TFDP1: variants seen among roughly 807,000 people sequenced by gnomAD.
The protein encoded by TFDP1 is transcription factor Dp-1.
A neutral mutation model predicts 48.0 loss-of-function variants in TFDP1; 6 were observed. The ratio of observed to expected loss-of-function variants is 0.13; its 90% CI spans 0.07 to 0.25. The LOEUF is 0.25. Among genes scored for constraint, TFDP1 ranks in the 10% least tolerant of loss-of-function variants. The pLI is 1.00. For synonymous variants in TFDP1, 201 were observed against 211.6 expected (o/e 0.95, Z 0.44); for missense variants, 335 against 543.0 (o/e 0.62, Z 3.81).
Position 113,611,211 on chromosome 13 carries a change from G to A in TFDP1, c.79+149G>A, listed in dbSNP as rs79793520. The A allele has an allele frequency of 7.7e-3, 5,266 of 684,914 alleles. 193 individuals are homozygous for A. The East Asian group carries it at 0.086, about 11-fold the overall frequency. The allele number at this position is 684,914 out of a possible 1,614,324, so 42.4% of individuals were successfully genotyped here. On this transcript the variant is annotated intron_variant, in intron 3 of 11. Transcript: ENST00000375370. ...GCTCCGGGAACCCAGGAGGGTGGGC[G>A]TAGGAGCCTTCTAGCATTTAGAACA...
intron 2 of TFDP1, among the ~76,000 whole-genome samples, chr13:113,593,112 GCT>G (rs1167275168): frequency 1.4e-5 from 2 of 147,492 alleles, no homozygotes; most frequent in African/African-American, 2.5e-5. Flanking sequence ...TGACAGGTGT[GCT>G]GTGTGTGGGT....
chr13:113,622,976 G>A (rs567073466), intron 3 of TFDP1, among the ~76,000 whole-genome samples: 20 of 152,386 alleles, frequency 1.3e-4, no homozygotes, highest in African/African-American at 3.8e-4. Context: ...GCGTCAGCGC[G>A]GCCCTGCGGC....
chr13:113,607,689 C>T lies in TFDP1; in HGVS notation c.13-3307C>T, dbSNP rs536314281. Among the ~76,000 whole-genome samples the T allele has an allele frequency of 3.3e-5, 5 of 152,316 alleles. No individual in the cohort carries two copies. The South Asian group carries it at 8.3e-4, about 25-fold the overall frequency. ...GGCCGCCCGGGTCCACAACCTGGCCCGTTAACTCCCTGGGCAGCTGCTGGG... is the reference window on the plus strand; with the variant it reads ...GGCCGCCCGGGTCCACAACCTGGCCTGTTAACTCCCTGGGCAGCTGCTGGG... On this transcript the variant is annotated intron_variant, in intron 2 of 11. Transcript: ENST00000375370. This position sits in a 1 kb window ranked among gnomAD's most constrained non-coding sequence, Gnocchi z 5.2.
chr13:113,638,430 G>A (rs1001333281), intron 11 of TFDP1, among the ~76,000 whole-genome samples: 7 of 151,620 alleles, frequency 4.6e-5, no homozygotes, highest in South Asian at 4.2e-4. Context: ...CACGGCGCAC[G>A]TGTTTTTCAG....
At position 113,633,760 on chromosome 13, in the gene TFDP1, C is replaced by A; in HGVS notation, c.475-130C>A. 1 of 1,124,504 alleles carries A rather than the reference C, an allele frequency of 8.9e-7. No homozygotes were observed. The highest frequency in any genetic ancestry group is 1.3e-6 in the Non-Finnish European group (1 of 785,112). The allele number at this position is 1,124,504 out of a possible 1,614,324, so 69.7% of individuals were successfully genotyped here. On this transcript the variant is annotated intron_variant, in intron 6 of 11. Coordinates refer to ENST00000375370, the MANE Select transcript of TFDP1 (RefSeq NM_007111.5). The surrounding 1 kb of genome is among the most constrained non-coding windows in gnomAD (Gnocchi z 4.5). ...GCGTCATCTGTGGGGTGGGAGCGCT[C>A]CCTGAGGGCATGTTGGGGTGGCGGC...
rs2049533011 is a variant in TFDP1, at chr13:113,637,834, T to C, written c.1023T>C (p.Thr341=). ...EPYVTEMAQG[T]VGGVFITTAG... The stretch of plus-strand genomic sequence containing the variant: ...CCTTTTCAGAAATGGCTCAGGGAAC[T>C]GTTGGAGGCGTGTTCATCACGACGG... The change falls in exon 11 of 12, where the codon ACT becomes ACC. Residue 341 remains threonine, a synonymous_variant. Transcript: ENST00000375370. 3.7e-6 allele frequency: 6 copies of C among 1,614,214 alleles called. No individual in the cohort carries two copies. Among genetic ancestry groups the C allele is most frequent in the Non-Finnish European group, 5.1e-6 (6 of 1,180,032 alleles).
chr13:113,627,391 G>GC lies in TFDP1; in HGVS notation c.186+4111dup, dbSNP rs2049209945. Reference sequence around the variant, plus strand: ...CTGTGTGAGCCCCTGGGGAGAAGCAGCCCCCCACCCAGGCCTGTGTCCCAG... The same window carrying GC: ...CTGTGTGAGCCCCTGGGGAGAAGCAGCCCCCCCACCCAGGCCTGTGTCCCAG... On this transcript the variant is annotated intron_variant, in intron 4 of 11. Coordinates refer to ENST00000375370, the MANE Select transcript of TFDP1 (RefSeq NM_007111.5). The surrounding 1 kb of genome is among the most constrained non-coding windows in gnomAD (Gnocchi z 4.1). 6.6e-6 allele frequency among the ~76,000 whole-genome samples: 1 copy of GC among 152,102 alleles called. No individual in the cohort carries two copies. Among genetic ancestry groups the GC allele is most frequent in the Non-Finnish European group, 1.5e-5 (1 of 68,012 alleles).
chr13:113,640,395 T>C lies in TFDP1; in HGVS notation c.*128T>C, dbSNP rs1244543979. 1 of 1,430,702 alleles carries C rather than the reference T, an allele frequency of 7.0e-7. No individual in the cohort carries two copies. The highest frequency in any genetic ancestry group is 1.5e-5 in the African/African-American group (1 of 68,870). The allele number at this position is 1,430,702 out of a possible 1,614,324, so 88.6% of individuals were successfully genotyped here. A position where few individuals can be genotyped will look rare whatever the true frequency, so the allele number is the denominator to read the frequency against. ...ATATTGGTAAGCTATTGAATTTAGA[T>C]ATGCACCTCTGATAAGCAAGGATTG... On this transcript the variant is annotated 3_prime_UTR_variant, in exon 12 of 12. Coordinates refer to ENST00000375370, the MANE Select transcript of TFDP1 (RefSeq NM_007111.5).
chr13:113,640,023 G>C (rs2049601976), intron 11 of TFDP1, 97 bp from the exon 12 acceptor site: 7 of 899,386 alleles, frequency 7.8e-6, no homozygotes, highest in Non-Finnish European at 1.2e-5. Context: ...ACCCACACCT[G>C]TGGGGCACAG....
intron 2 of TFDP1, 40 bp from the exon 3 acceptor site, chr13:113,610,956 T>G (rs775596177): frequency 3.1e-6 from 5 of 1,600,720 alleles, no homozygotes; most frequent in Non-Finnish European, 4.3e-6. Context: ...CGTAGCCCTT[T>G]TAGCTGTCAT....
At chr13:113,585,724 A>G (rs1594385562) in intron 1 of TFDP1, 50 bp from the exon 2 acceptor site, 1 of 1,158,194 alleles carries the variant, frequency 8.6e-7, no homozygotes. Context: ...TTCGTTTTTC[A>G]TTCTTACTTA....
chr13:113,589,259 G>A (rs1448038709), intron 2 of TFDP1, among the ~76,000 whole-genome samples: 3 of 152,202 alleles, frequency 2.0e-5, no homozygotes, highest in Non-Finnish European at 4.4e-5. Context: ...TCTGTTAAGT[G>A]GGAGAATGTG....
At chr13:113,606,456 A>G (rs1336008806) in intron 2 of TFDP1, among the ~76,000 whole-genome samples, 2 of 152,100 alleles carry the variant, frequency 1.3e-5, no homozygotes, top group Non-Finnish European at 2.9e-5. Flanking sequence ...TCCTGGTGGA[A>G]GGGCCAGGGA....
At chr13:113,587,393 G>A (rs200153482) in intron 2 of TFDP1, among the ~76,000 whole-genome samples, 1 of 152,230 alleles carries the variant, frequency 6.6e-6, no homozygotes, top group East Asian at 1.9e-4. Context: ...GGCCTTCCCT[G>A]CTCAAAGCCT....
chr13:113,638,457 C>T (rs2049556765), intron 11 of TFDP1, among the ~76,000 whole-genome samples: 1 of 151,772 alleles, frequency 6.6e-6, no homozygotes, highest in South Asian at 2.1e-4. Context: ...TCTGCGGTCT[C>T]GGCGCACGTG....
intron 11 of TFDP1, among the ~76,000 whole-genome samples, chr13:113,639,169 G>A (rs1439782693): frequency 1.3e-5 from 2 of 152,232 alleles, no homozygotes; most frequent in African/African-American, 4.8e-5. Context: ...TTCTCCTTCT[G>A]TTGTAGCTAT....
At chr13:113,585,151 T>A (rs2047966473) in intron 1 of TFDP1, 1 of 143,208 alleles carries the variant, frequency 7.0e-6, no homozygotes, top group Admixed American at 6.9e-5. Context: ...ACGCTGGAGG[T>A]GGGGCCGGGG....
Position 113,598,732 on chromosome 13 carries a change from C to T in TFDP1, c.13-12264C>T, listed in dbSNP as rs1379784017. On this transcript the variant is annotated intron_variant, in intron 2 of 11. Coordinates refer to ENST00000375370, the MANE Select transcript of TFDP1 (RefSeq NM_007111.5). This position sits in a 1 kb window ranked among gnomAD's most constrained non-coding sequence, Gnocchi z 4.2. ...TAAGTTGCGTGGGGCCGGGAGGAGG[C>T]GTTCTCTGCCCCTACGTGGCTCACA... is the stretch of plus-strand genomic sequence containing the variant. Among the ~76,000 whole-genome samples the T allele has an allele frequency of 3.3e-5, 5 of 152,290 alleles. No individual in the cohort carries two copies. The highest frequency in any genetic ancestry group is 1.5e-5 in the Non-Finnish European group (1 of 68,022).
In TFDP1 at chr13:113,595,850, A is replaced by C. The variant is rs375223118; in HGVS notation, c.12+10001A>C. Among the ~76,000 whole-genome samples the C allele has an allele frequency of 3.0e-4, 46 of 152,354 alleles. No homozygotes were observed. In the East Asian group the frequency reaches 8.7e-3, roughly 29 times the overall value. ...GTAATCCCAGCACTTTGGGAGGCTG[A>C]GGCGGGCGGATCACAAGGTCAGGAT... On this transcript the variant is annotated intron_variant, in intron 2 of 11. Transcript: ENST00000375370.
Sources: gnomAD v4.1 joint callset for allele counts (sites outside exome capture counted in the v4.1 genomes callset) on GRCh38, gnomAD v4.1.1 for gene constraint, Gnocchi (gnomAD v3.1) non-coding constraint, MANE v1.5 for transcripts, NCBI Gene and HGNC (gene_info 2026-07-23, HGNC 2026-07-21) for gene names.